ADAMTS17: variants seen among roughly 807,000 people sequenced by gnomAD.
The protein encoded by ADAMTS17 is ADAM metallopeptidase with thrombospondin type 1 motif 17.
A neutral mutation model predicts 141.5 loss-of-function variants in ADAMTS17; 113 were observed. The ratio of observed to expected loss-of-function variants is 0.80; its 90% CI spans 0.69 to 0.93. The LOEUF (loss-of-function observed/expected upper bound fraction) is 0.93, where lower values mean the gene tolerates loss of function less well. Among genes scored for constraint, ADAMTS17 ranks in the 40% least tolerant of loss-of-function variants. The pLI is 0.00. For synonymous variants in ADAMTS17, 768 were observed against 630.6 expected, an observed-to-expected ratio of 1.22 and a Z score of -3.27; for missense variants, 1,659 against 1,517.9, an observed-to-expected ratio of 1.09 and a Z score of -1.54.
intron 18 of ADAMTS17, among the ~76,000 whole-genome samples, chr15:100,036,355 G>A (rs1051808108): frequency 9.8e-5 from 15 of 152,354 alleles, no homozygotes; most frequent in Admixed American, 3.9e-4. Context: ...GAAGGGGTGA[G>A]AGAAGCAGCC....
At chr15:100,048,815 C>A (rs1201381243) in intron 18 of ADAMTS17, 42 bp downstream of exon 18, 3 of 1,613,906 alleles carry the variant, frequency 1.9e-6, no homozygotes, top group Non-Finnish European at 2.5e-6. Flanking sequence ...TGCTGCCGCC[C>A]CAGACTCTGG....
intron 12 of ADAMTS17, among the ~76,000 whole-genome samples, chr15:100,118,099 G>T (rs944689222): frequency 6.6e-6 from 1 of 152,222 alleles, no homozygotes; most frequent in Non-Finnish European, 1.5e-5. Flanking sequence ...GTGTCATAAA[G>T]GTCTACTCCA....
chr15:100,120,388 T>C (rs1466084996), intron 12 of ADAMTS17, among the ~76,000 whole-genome samples: 2 of 152,164 alleles, frequency 1.3e-5, no homozygotes, highest in Non-Finnish European at 2.9e-5. Context: ...GGAGTCAGGG[T>C]GAGCAGTAAG....
chr15:100,063,655 T>C, intron 15 of ADAMTS17: 1 of 1,289,346 alleles, frequency 7.8e-7, no homozygotes, highest in Non-Finnish European at 1.0e-6. Context: ...ACATAAATGG[T>C]GAGTCAAGTC....
chr15:100,331,044 A>G lies in ADAMTS17; in HGVS notation c.461T>C (p.Ile154Thr). The G allele has an allele frequency of 6.2e-7, 1 of 1,614,194 alleles. No homozygotes were observed. The highest frequency in any genetic ancestry group is 2.2e-5 in the East Asian group (1 of 44,874). ...CGAAGGLVGL[I>T]QLGQEQVLIQ... is the part of the protein sequence containing the mutation. ...TAGCACCTGCTCCTGCCCAAGCTGA[A>G]TGAGGCCAACCTGTCCAGAAAGGAG... The change falls in exon 3 of 22, where the codon ATT (isoleucine) becomes ACT (threonine). Residue 154 changes from isoleucine (I) to threonine (T), a missense_variant. Ile to Thr is a moderately conservative substitution (Grantham distance 89). Transcript: ENST00000268070.
At chr15:100,008,626 A>G (rs1420942175) in intron 18 of ADAMTS17, among the ~76,000 whole-genome samples, 1 of 152,212 alleles carries the variant, frequency 6.6e-6, no homozygotes, top group Non-Finnish European at 1.5e-5. Flanking sequence ...TGGCATCCTG[A>G]CAAGGAGCCC....
At position 100,071,959 on chromosome 15, in the gene ADAMTS17, T is replaced by C. The variant is rs553073692; in HGVS notation, c.2138-17905A>G. On this transcript the variant is annotated intron_variant, in intron 15 of 21. Transcript: ENST00000268070. ...GGTATTCAATTAGGAAAAGAGGAAG[T>C]CAAATTGTCCCTGTTTGCAGATGAC... 1.4e-3 allele frequency among the ~76,000 whole-genome samples: 216 copies of C among 150,152 alleles called. 16 individuals are homozygous for C. Among genetic ancestry groups the C allele is most frequent in the African/African-American group, 5.2e-3 (211 of 40,670 alleles).
At chr15:100,083,817 C>T (rs1045113812) in intron 15 of ADAMTS17, among the ~76,000 whole-genome samples, 1 of 151,326 alleles carries the variant, frequency 6.6e-6, no homozygotes, top group African/African-American at 2.4e-5. Context: ...GCAGCTGGCA[C>T]TTGGCCCTTC....
intron 3 of ADAMTS17, among the ~76,000 whole-genome samples, chr15:100,314,178 CA>C (rs1399084347): frequency 8.5e-5 from 13 of 152,260 alleles, no homozygotes; most frequent in African/African-American, 3.1e-4. Flanking sequence ...AAGACAAATA[CA>C]AAGGAATTAA....
chr15:100,111,075 C>A (rs762830699), intron 13 of ADAMTS17, among the ~76,000 whole-genome samples: 2 of 152,168 alleles, frequency 1.3e-5, no homozygotes, highest in African/African-American at 4.8e-5. Context: ...CATCTGCCCA[C>A]GAGAAGACTG....
chr15:100,230,258 T>G (rs906317549), intron 7 of ADAMTS17, among the ~76,000 whole-genome samples: 1 of 152,196 alleles, frequency 6.6e-6, no homozygotes, highest in South Asian at 2.1e-4. Context: ...ACCCCTATCT[T>G]TGTGGTACCT....
chr15:100,054,130 A>G (rs889650702), intron 15 of ADAMTS17, 76 bp from the exon 16 acceptor site: 2 of 1,569,886 alleles, frequency 1.3e-6, no homozygotes, highest in East Asian at 4.5e-5. Flanking sequence ...AACGGAATCT[A>G]CAGCCCCTGA....
At chr15:99,990,729 T>C (rs1783730805) in intron 20 of ADAMTS17, among the ~76,000 whole-genome samples, 1 of 152,026 alleles carries the variant, frequency 6.6e-6, no homozygotes. Flanking sequence ...CTGATAAATT[T>C]TGCCTTCCAA....
intron 16 of ADAMTS17, among the ~76,000 whole-genome samples, chr15:100,052,188 C>T (rs2032200702): frequency 6.6e-6 from 1 of 152,060 alleles, no homozygotes; most frequent in Non-Finnish European, 1.5e-5. Context: ...TGGAAATGAA[C>T]ATCTTCCTTC....
chr15:100,235,908 A>G (rs767001967), intron 7 of ADAMTS17, among the ~76,000 whole-genome samples: 2 of 152,192 alleles, frequency 1.3e-5, no homozygotes, highest in Non-Finnish European at 2.9e-5. Context: ...CAGAGCTGGG[A>G]TCTGAACCAG....
chr15:99,980,191 A>G (rs2060455004), intron 20 of ADAMTS17: 1 of 152,216 alleles, frequency 6.6e-6, no homozygotes, highest in Non-Finnish European at 1.5e-5. Context: ...CATGGTGGTG[A>G]GCACCTGTAA....
At chr15:100,063,990 T>G (rs1318539826) in intron 15 of ADAMTS17, among the ~76,000 whole-genome samples, 1 of 151,944 alleles carries the variant, frequency 6.6e-6, no homozygotes, top group African/African-American at 2.4e-5. Context: ...TCCTCCAAAT[T>G]CGTATGTTGA....
At chr15:100,093,693 G>C (rs2035600013) in intron 15 of ADAMTS17, among the ~76,000 whole-genome samples, 1 of 151,986 alleles carries the variant, frequency 6.6e-6, no homozygotes, top group Non-Finnish European at 1.5e-5. Context: ...CCTAGGTCTG[G>C]TGCCCCACCA....
At position 100,029,838 on chromosome 15, in the gene ADAMTS17, G is replaced by C. The variant is rs189341887; in HGVS notation, c.2591+19019C>G. On this transcript the variant is annotated intron_variant, in intron 18 of 21. Coordinates refer to ENST00000268070, the MANE Select transcript of ADAMTS17 (RefSeq NM_139057.4). ...GGGACCTTCGTTACTATATGCTGGT[G>C]GTTCTCAATGCAGTCCCTGGACCAG... Among the ~76,000 whole-genome samples the C allele has an allele frequency of 5.3e-5, 8 of 152,296 alleles. No homozygotes were observed. In the East Asian group the frequency reaches 1.4e-3, roughly 26 times the overall value.
Sources: allele counts gnomAD v4.1 joint callset (sites outside exome capture counted in the v4.1 genomes callset), GRCh38; gene constraint gnomAD v4.1.1; transcripts MANE v1.5; gene names NCBI Gene and HGNC (gene_info 2026-07-23, HGNC 2026-07-21).